The following XDH variants were observed in gnomAD, a reference collection of about 807,000 sequenced individuals.
XDH encodes the protein xanthine dehydrogenase, also known as xanthine dehydrogenase/oxidase.
In XDH, 138 loss-of-function variants were observed where a neutral mutation model predicts 156.1. That is an observed-to-expected ratio of 0.88 (90% CI 0.77 to 1.02). XDH has a LOEUF of 1.02. XDH is among the 50% of genes least tolerant of loss of function. The pLI is 0.00. For missense variants in XDH, 1,849 were observed against 1,684.9 expected (o/e 1.10, Z -1.71); for synonymous variants, 669 against 625.7 (o/e 1.07, Z -1.03).
chr2:31,352,242 T>G (rs1685502684), intron 24 of XDH, among the ~76,000 whole-genome samples: 1 of 152,208 alleles, frequency 6.6e-6, no homozygotes, highest in South Asian at 2.1e-4. Flanking sequence ...TGTCAAGTCA[T>G]GAGAGCTCAT....
intron 4 of XDH, among the ~76,000 whole-genome samples, chr2:31,400,892 A>G (rs1285252250): frequency 2.0e-5 from 3 of 152,238 alleles, no homozygotes; most frequent in African/African-American, 7.2e-5. Flanking sequence ...AACACACTCC[A>G]GAACAAAGTG....
At chr2:31,402,495 C>G (rs1687087286) in intron 3 of XDH, among the ~76,000 whole-genome samples, 1 of 152,158 alleles carries the variant, frequency 6.6e-6, no homozygotes, top group Non-Finnish European at 1.5e-5. Context: ...GGGCACCTAA[C>G]CCAGTCTTGA....
intron 35 of XDH, 34 bp downstream of exon 35, chr2:31,337,607 C>T (rs766288723): frequency 1.2e-5 from 19 of 1,613,166 alleles, no homozygotes; most frequent in South Asian, 2.2e-5. Flanking sequence ...CCTGGCCTCC[C>T]CTGGACTGAG....
chr2:31,384,919 T>C (rs1410925792), intron 9 of XDH, among the ~76,000 whole-genome samples: 1 of 152,204 alleles, frequency 6.6e-6, no homozygotes, highest in Non-Finnish European at 1.5e-5. Flanking sequence ...GACTATGCTA[T>C]TGGGGTATGT....
At chr2:31,406,429 C>G (rs1363760996) in intron 1 of XDH, among the ~76,000 whole-genome samples, 14 of 152,182 alleles carry the variant, frequency 9.2e-5, no homozygotes, top group Admixed American at 9.2e-4. Flanking sequence ...CTTATAATTA[C>G]CCAGCCTCAG....
At chr2:31,378,130 G>A (rs1686316598) in intron 13 of XDH, among the ~76,000 whole-genome samples, 11 of 69,660 alleles carry the variant, frequency 1.6e-4, no homozygotes, top group African/African-American at 5.6e-4. Flanking sequence ...AAGGAAGGAA[G>A]GAAGGAAGGA....
chr2:31,375,351 G>T (rs977584690), intron 15 of XDH, 29 bp downstream of exon 15: 9 of 1,614,052 alleles, frequency 5.6e-6, no homozygotes, highest in Non-Finnish European at 6.8e-6. Flanking sequence ...ATGCTACAGA[G>T]AGCCTGTGCC....
chr2:31,378,055 GAAGA>G (rs149074112), intron 13 of XDH, among the ~76,000 whole-genome samples: 1,520 of 65,480 alleles, frequency 0.023, 68 homozygotes, highest in East Asian at 0.032. Flanking sequence ...AGAAAGAAAG[GAAGA>G]AAGAAAGAAA....
intron 18 of XDH, among the ~76,000 whole-genome samples, chr2:31,369,884 G>A (rs1686028355): frequency 6.6e-6 from 1 of 152,124 alleles, no homozygotes; most frequent in African/African-American, 2.4e-5. Flanking sequence ...TAAAATATAA[G>A]GACTTTTGTA....
chr2:31,400,837 C>T lies in XDH; in HGVS notation c.306+383G>A, dbSNP rs181426178. On this transcript the variant is annotated intron_variant, in intron 4 of 35. Transcript: ENST00000379416. ...AGTAAGTGGGCTTATAAACAAGGGG[C>T]ACAGATAATTAAAATTCAAATCTGG... 7.4e-4 allele frequency among the ~76,000 whole-genome samples: 113 copies of T among 152,278 alleles called. No individual in the cohort carries two copies. The Middle Eastern group carries it at 0.01, about 14-fold the overall frequency.
In XDH at chr2:31,370,358, A is replaced by T. The variant is rs752578927; in HGVS notation, c.1977T>A (p.Asp659Glu). ...TATAAAAAAATCCAAGACTTACCTT[A>T]TCCTTCGCAAAGACTGTCTCATCAT... is the stretch of plus-strand genomic sequence containing the variant. ...ICNDETVFAK[D>E]KVTCVGHIIG... The change falls in exon 18 of 36, where the codon GAT becomes GAA. Residue 659 changes from aspartate (D) to glutamate (E), a missense_variant. Asp to Glu is a conservative substitution (Grantham distance 45). Transcript: ENST00000379416. The T allele has an allele frequency of 4.3e-6, 7 of 1,614,220 alleles. No homozygotes were observed. The highest frequency in any genetic ancestry group is 1.7e-6 in the Non-Finnish European group (2 of 1,180,016).
In XDH at chr2:31,366,984, G is replaced by A. The variant is rs900826799; in HGVS notation, c.2208C>T (p.Tyr736=). Residue 736 remains tyrosine, a synonymous_variant, in exon 21 of 36, where the codon TAC becomes TAT. Coordinates refer to ENST00000379416, the MANE Select transcript of XDH (RefSeq NM_000379.4). ...GGTAGAAGTGCTCTTGGCCACCGAT[G>A]TATATCTCCCCTGGGGAAGCAGTGA... ...EADNVVSGEI[Y]IGGQEHFYLE... is the part of the protein sequence containing the mutation. The A allele has an allele frequency of 4.3e-6, 7 of 1,614,110 alleles. No individual in the cohort carries two copies. Among genetic ancestry groups the A allele is most frequent in the Non-Finnish European group, 5.9e-6 (7 of 1,179,936 alleles).
At chr2:31,396,379 A>G (rs987395204) in intron 6 of XDH, among the ~76,000 whole-genome samples, 4 of 152,220 alleles carry the variant, frequency 2.6e-5, no homozygotes, top group Admixed American at 6.5e-5. Context: ...CAAGATTAAC[A>G]ATCTCTGGGT....
intron 1 of XDH, among the ~76,000 whole-genome samples, chr2:31,406,583 A>G (rs1185006047): frequency 2.6e-5 from 4 of 152,198 alleles, no homozygotes; most frequent in African/African-American, 9.7e-5. Context: ...CTTAAATTCT[A>G]AAATTGTACC....
intron 2 of XDH, 87 bp downstream of exon 2, chr2:31,405,820 A>G (rs1417844815): frequency 9.9e-6 from 15 of 1,512,090 alleles, no homozygotes; most frequent in Non-Finnish European, 1.4e-5. Flanking sequence ...AGGCCACCCC[A>G]CCAGTCACTA....
intron 12 of XDH, among the ~76,000 whole-genome samples, chr2:31,381,131 G>A (rs1312725911): frequency 2.0e-5 from 3 of 152,162 alleles, no homozygotes; most frequent in East Asian, 3.9e-4. Context: ...AAGGAACTGG[G>A]ACTAAAGGCA....
In XDH at chr2:31,347,502, G is replaced by C; in HGVS notation, c.3276+20C>G. On this transcript the variant is annotated intron_variant, in intron 29 of 35. Coordinates refer to ENST00000379416, the MANE Select transcript of XDH (RefSeq NM_000379.4). ...CTCTGGGCTGGCCCTCTGCTCTGCG[G>C]GATCCCATGGGCTCCTTACATAGAC... 1.2e-6 allele frequency: 2 copies of C among 1,613,158 alleles called. No individual in the cohort carries two copies. The highest frequency in any genetic ancestry group is 1.7e-6 in the Non-Finnish European group (2 of 1,179,944).
chr2:31,391,021 C>T (rs1279741821), intron 6 of XDH, among the ~76,000 whole-genome samples: 2 of 152,046 alleles, frequency 1.3e-5, no homozygotes, highest in Non-Finnish European at 2.9e-5. Flanking sequence ...ATGGATCATG[C>T]CTTTGGTGTT....
intron 31 of XDH, among the ~76,000 whole-genome samples, chr2:31,343,995 G>A (rs948422249): frequency 6.6e-6 from 1 of 152,002 alleles, no homozygotes; most frequent in African/African-American, 2.4e-5. Flanking sequence ...CCAAATATCT[G>A]TGAAAGAAAA....
Sources: allele counts gnomAD v4.1 joint callset (sites outside exome capture counted in the v4.1 genomes callset), GRCh38; gene constraint gnomAD v4.1.1; transcripts MANE v1.5; gene names NCBI Gene and HGNC (gene_info 2026-07-23, HGNC 2026-07-21).